The following ADAMTSL1 variants were observed in gnomAD, a reference collection of about 807,000 sequenced individuals.
ADAMTSL1 encodes the protein ADAMTS-like protein 1.
In ADAMTSL1, 126 loss-of-function variants were observed where a neutral mutation model predicts 201.8. That is an observed-to-expected ratio of 0.62 (90% CI 0.54 to 0.72). The LOEUF is 0.72. Ranked by LOEUF, ADAMTSL1 falls within the 30% of genes least tolerant of loss-of-function variation. ADAMTSL1 has a pLI of 0.00. For missense variants in ADAMTSL1, 2,679 were observed against 2,277.8 expected, an observed-to-expected ratio of 1.18 and a Z score of -3.59; for synonymous variants, 1,121 against 903.4, an observed-to-expected ratio of 1.24 and a Z score of -4.32.
chr9:18,551,744 T>C (rs181905894), intron 3 of ADAMTSL1, among the ~76,000 whole-genome samples: 42 of 151,934 alleles, frequency 2.8e-4, no homozygotes, highest in Admixed American at 2.2e-3. Context: ...TGAACTGATA[T>C]ATGTAAACAT....
chr9:18,696,103 A>G (rs899670019), intron 13 of ADAMTSL1, among the ~76,000 whole-genome samples: 1 of 152,202 alleles, frequency 6.6e-6, no homozygotes, highest in Non-Finnish European at 1.5e-5. Flanking sequence ...ATCCACTCCC[A>G]TGGTCCAGTC....
At chr9:18,225,339 A>G (rs1459713627) in intron 2 of ADAMTSL1, among the ~76,000 whole-genome samples, 1 of 152,152 alleles carries the variant, frequency 6.6e-6, no homozygotes, top group Non-Finnish European at 1.5e-5. Context: ...ACATAAAGTA[A>G]AAGTGCACTC....
chr9:18,826,439 G>A lies in ADAMTSL1; in HGVS notation c.4090G>A (p.Glu1364Lys). The A allele has an allele frequency of 6.2e-7, 1 of 1,613,654 alleles. No individual in the cohort carries two copies. Reference protein sequence around the residue: ...RAANLHGELTESTQLLILDPP... With the variant: ...RAANLHGELTKSTQLLILDPP... ...GGCCAATCTTCATGGAGAGCTGACT[G>A]AGAGCACCCAGCTGCTGATCCTAGG... The change falls in exon 22 of 29, where the codon GAG becomes AAG. Residue 1364 changes from glutamate to lysine, a missense_variant. Physicochemically the swap from Glu to Lys is moderately conservative, Grantham distance 56. Transcript: ENST00000380548.
chr9:18,363,469 C>G (rs533892313), intron 2 of ADAMTSL1, among the ~76,000 whole-genome samples: 1 of 152,310 alleles, frequency 6.6e-6, no homozygotes, highest in South Asian at 2.1e-4. Context: ...TTTGCCTTGC[C>G]TCTTCTAAGC....
chr9:18,894,036 C>A (rs1829461154), intron 26 of ADAMTSL1, among the ~76,000 whole-genome samples: 1 of 152,182 alleles, frequency 6.6e-6, no homozygotes, highest in Non-Finnish European at 1.5e-5. Context: ...ACAATATTTG[C>A]AGGAGAATGA....
At chr9:18,400,151 CT>C (rs974801327) in intron 2 of ADAMTSL1, among the ~76,000 whole-genome samples, 2 of 151,976 alleles carry the variant, frequency 1.3e-5, no homozygotes, top group Non-Finnish European at 2.9e-5. Context: ...TAAGTTTTTT[CT>C]TTTTTTTACC....
chr9:17,925,966 G>C (rs925948365), intron 1 of ADAMTSL1, among the ~76,000 whole-genome samples: 30 of 152,012 alleles, frequency 2.0e-4, no homozygotes, highest in Admixed American at 1.8e-3. Context: ...AGCAATTGTT[G>C]CTACATTCTT....
intron 3 of ADAMTSL1, among the ~76,000 whole-genome samples, chr9:18,565,153 T>A (rs990155568): frequency 1.6e-4 from 24 of 152,344 alleles, no homozygotes; most frequent in East Asian, 9.6e-4. Context: ...ATTCATTATA[T>A]CACACATTTC....
At chr9:18,721,098 A>G (rs1221972149) in intron 14 of ADAMTSL1, among the ~76,000 whole-genome samples, 1 of 152,234 alleles carries the variant, frequency 6.6e-6, no homozygotes, top group African/African-American at 2.4e-5. Context: ...TTCTGGATAT[A>G]AAACATGGCC....
intron 5 of ADAMTSL1, among the ~76,000 whole-genome samples, chr9:18,626,865 T>TTCTTTCTTTCTG (rs1491126452): frequency 2.1e-5 from 3 of 145,554 alleles, no homozygotes; most frequent in South Asian, 2.3e-4. Flanking sequence ...CTTTCTTTCT[T>TTCTTTCTTTCTG]TCTGTCTTTC....
chr9:18,744,950 A>G (rs1819049144), intron 15 of ADAMTSL1, among the ~76,000 whole-genome samples: 4 of 152,160 alleles, frequency 2.6e-5, no homozygotes, highest in African/African-American at 7.2e-5. Flanking sequence ...GAAGTGTGCT[A>G]TGTTCTTCTT....
chr9:18,691,466 G>A lies in ADAMTSL1; in HGVS notation c.1574+6666G>A, dbSNP rs56700558. 4.8e-3 allele frequency among the ~76,000 whole-genome samples: 724 copies of A among 152,204 alleles called. 7 individuals are homozygous for A. The highest frequency in any genetic ancestry group is 0.015 in the African/African-American group (624 of 41,534). On this transcript the variant is annotated intron_variant, in intron 13 of 28. Transcript: ENST00000380548. ...GATCAGATATTTTGTATCATTATGT[G>A]TACCTCAGTTATTCCTACCTATATG...
intron 26 of ADAMTSL1, among the ~76,000 whole-genome samples, chr9:18,894,410 G>T (rs1465738652): frequency 1.4e-5 from 2 of 140,076 alleles, no homozygotes; most frequent in East Asian, 2.2e-4. Flanking sequence ...GCAAGTGAAA[G>T]GACTACAGAA....
At chr9:18,793,844 G>C (rs1416199892) in intron 19 of ADAMTSL1, among the ~76,000 whole-genome samples, 1 of 152,072 alleles carries the variant, frequency 6.6e-6, no homozygotes, top group African/African-American at 2.4e-5. Context: ...TTATCAGCCA[G>C]CCTCACTAAG....
At chr9:18,766,042 G>A (rs920761273) in intron 16 of ADAMTSL1, among the ~76,000 whole-genome samples, 3 of 150,928 alleles carry the variant, frequency 2.0e-5, no homozygotes, top group Non-Finnish European at 4.4e-5. Context: ...ACATGTTTGA[G>A]GAACAAAACA....
At chr9:18,422,158 T>A (rs985679396) in intron 2 of ADAMTSL1, among the ~76,000 whole-genome samples, 1 of 152,156 alleles carries the variant, frequency 6.6e-6, no homozygotes, top group Non-Finnish European at 1.5e-5. Context: ...AAGTGCAGTA[T>A]GTTCTCCCTA....
chr9:18,798,406 G>C (rs1055948182), intron 20 of ADAMTSL1, among the ~76,000 whole-genome samples: 6 of 152,056 alleles, frequency 3.9e-5, no homozygotes, highest in Non-Finnish European at 8.8e-5. Context: ...AAGTTCTCAT[G>C]GAGATTAAAT....
intron 2 of ADAMTSL1, among the ~76,000 whole-genome samples, chr9:18,355,231 C>A (rs1467087273): frequency 5.3e-5 from 8 of 152,154 alleles, no homozygotes; most frequent in South Asian, 2.1e-4. Flanking sequence ...TAAAATGAAC[C>A]AATACCAGTT....
chr9:18,825,646 A>T (rs1824500335), intron 21 of ADAMTSL1, among the ~76,000 whole-genome samples: 1 of 152,082 alleles, frequency 6.6e-6, no homozygotes, highest in African/African-American at 2.4e-5. Context: ...AACACTCCCC[A>T]CCAGACCAGC....
Sources: gnomAD v4.1 joint callset for allele counts (sites outside exome capture counted in the v4.1 genomes callset) on GRCh38, gnomAD v4.1.1 for gene constraint, MANE v1.5 for transcripts, NCBI Gene and HGNC (gene_info 2026-07-23, HGNC 2026-07-21) for gene names.